The following MOB3A variants were observed in gnomAD, a reference collection of about 807,000 sequenced individuals.
MOB3A encodes MOB LAK.
MOB3A carries 17 observed loss-of-function variants against 17.8 expected under a neutral mutation model. The observed-to-expected ratio is 0.95, with a 90% CI of 0.65 to 1.43. MOB3A has a LOEUF of 1.43. MOB3A is among the 40% of genes most tolerant of loss of function. The pLI is 0.00. For missense variants in MOB3A, 333 were observed against 310.8 expected (o/e 1.07, Z -0.54); for synonymous variants, 124 against 133.2 (o/e 0.93, Z 0.48).
chr19:2,077,158 TG>T (rs35943703), intron 3 of MOB3A, 145 bp from the exon 4 acceptor site: 1 of 681,748 alleles, frequency 1.5e-6, no homozygotes, highest in African/African-American at 1.8e-5. Context: ...CCCAGCACTT[TG>T]GGAGGCCGAG....
chr19:2,086,504 C>T (rs2017555884), intron 1 of MOB3A, among the ~76,000 whole-genome samples: 1 of 151,380 alleles, frequency 6.6e-6, no homozygotes, highest in Non-Finnish European at 1.5e-5. Flanking sequence ...GGATTACAGA[C>T]ACACGCCACC....
intron 4 of MOB3A, among the ~76,000 whole-genome samples, chr19:2,074,018 G>A (rs148574498): frequency 7.1e-4 from 108 of 151,978 alleles, no homozygotes; most frequent in African/African-American, 2.2e-3. Flanking sequence ...GTGACAGAGC[G>A]AGACTCTGTC....
At chr19:2,088,379 C>T (rs575975514) in intron 1 of MOB3A, among the ~76,000 whole-genome samples, 1 of 152,342 alleles carries the variant, frequency 6.6e-6, no homozygotes, top group East Asian at 1.9e-4. Flanking sequence ...TCACAGCCCA[C>T]TCCAGCCTCA....
In MOB3A at chr19:2,072,509, G is replaced by A. The variant is rs530126084; in HGVS notation, c.*886C>T. 1 of 152,274 alleles carries A rather than the reference G, an allele frequency of 6.6e-6. No homozygotes were observed. Among genetic ancestry groups the A allele is most frequent in the Non-Finnish European group, 1.5e-5 (1 of 68,044 alleles). 9.4% of individuals were successfully genotyped at this position (152,274 alleles called of 1,614,324 possible). On this transcript the variant is annotated 3_prime_UTR_variant, in exon 5 of 5. Coordinates refer to ENST00000357066, the MANE Select transcript of MOB3A (RefSeq NM_130807.3). The stretch of plus-strand genomic sequence containing the variant: ...AATCAAACCCTTTATGATACACAAA[G>A]GGGCCCTTAGGAAATGAGTCAGAAG...
chr19:2,073,421 C>T lies in MOB3A; in HGVS notation c.628G>A (p.Glu210Lys). The T allele has an allele frequency of 5.6e-6, 9 of 1,613,872 alleles. No homozygotes were observed. The highest frequency in any genetic ancestry group is 6.8e-6 in the Non-Finnish European group (8 of 1,180,016). The change falls in exon 5 of 5, where the codon GAA (glutamate) becomes AAA (lysine). Residue 210 changes from glutamate (E) to lysine (K), a missense_variant. Coordinates refer to ENST00000357066, the MANE Select transcript of MOB3A (RefSeq NM_130807.3). ...IDTKELEPLK[E>K]MTARMCH ...CAGTGGCACATCCGGGCGGTCATTT[C>T]TTTCTGTAAAGAGCAAGCAAGACAT...
chr19:2,087,182 A>T (rs1196632752), intron 1 of MOB3A, among the ~76,000 whole-genome samples: 1 of 152,214 alleles, frequency 6.6e-6, no homozygotes, highest in Non-Finnish European at 1.5e-5. Context: ...GGCTTAGCAT[A>T]CTGTCCTAAT....
chr19:2,092,111 G>A (rs977635982), intron 1 of MOB3A, among the ~76,000 whole-genome samples: 1 of 108,996 alleles, frequency 9.2e-6, no homozygotes, highest in East Asian at 2.6e-4. Context: ...TTAGCTGCCT[G>A]TTTGTTTGAG....
chr19:2,075,510 C>T (rs770416251), intron 4 of MOB3A, among the ~76,000 whole-genome samples: 2 of 152,106 alleles, frequency 1.3e-5, no homozygotes, highest in African/African-American at 2.4e-5. Context: ...GCTGTGGTCC[C>T]AGCTACTCGG....
At chr19:2,079,321 C>T (rs1435237215) in intron 2 of MOB3A, among the ~76,000 whole-genome samples, 1 of 152,240 alleles carries the variant, frequency 6.6e-6, no homozygotes, top group Non-Finnish European at 1.5e-5. Context: ...ACTGCATGGC[C>T]GGACTACGGC....
chr19:2,089,789 C>G (rs1277946201), intron 1 of MOB3A, among the ~76,000 whole-genome samples: 1 of 151,760 alleles, frequency 6.6e-6, no homozygotes, highest in African/African-American at 2.4e-5. Context: ...TCCCAAATAA[C>G]TAATGCAGTC....
chr19:2,074,967 T>C (rs2017385447), intron 4 of MOB3A, among the ~76,000 whole-genome samples: 1 of 151,924 alleles, frequency 6.6e-6, no homozygotes, highest in African/African-American at 2.4e-5. Flanking sequence ...GCTGCCCGTC[T>C]TGGCATTCCA....
At chr19:2,081,886 AAACACAACAC>A (rs1311664682) in intron 2 of MOB3A, among the ~76,000 whole-genome samples, 1 of 152,188 alleles carries the variant, frequency 6.6e-6, no homozygotes, top group Non-Finnish European at 1.5e-5. Flanking sequence ...TCTGTCTCAA[AAACACAACAC>A]AACACAACAC....
rs370082523 is a variant in MOB3A, at chr19:2,078,793, C to G, written c.-119-114G>C. The G allele has an allele frequency of 1.0e-4, 52 of 498,472 alleles. 2 individuals carry two copies. The highest frequency in any genetic ancestry group is 7.8e-4 in the African/African-American group (40 of 51,322). The allele number at this position is 498,472 out of a possible 1,614,324, so 30.9% of individuals were successfully genotyped here. A position where few individuals can be genotyped will look rare whatever the true frequency, so the allele number is the denominator to read the frequency against. On this transcript the variant is annotated intron_variant, in intron 2 of 4. Coordinates refer to ENST00000357066, the MANE Select transcript of MOB3A (RefSeq NM_130807.3). ...TTGTTTTTTGAGACAGGGTCTTACTCTGTTGCCCCGGCTGGAGTACAGTGG... is the reference window on the plus strand; with the variant it reads ...TTGTTTTTTGAGACAGGGTCTTACTGTGTTGCCCCGGCTGGAGTACAGTGG...
intron 2 of MOB3A, among the ~76,000 whole-genome samples, chr19:2,083,326 C>G (rs937282183): frequency 6.6e-6 from 1 of 152,200 alleles, no homozygotes; most frequent in Non-Finnish European, 1.5e-5. Flanking sequence ...ACCTGAGGCC[C>G]TTCGCCAGTG....
intron 4 of MOB3A, among the ~76,000 whole-genome samples, chr19:2,076,465 G>A (rs1267633980): frequency 6.6e-6 from 1 of 152,138 alleles, no homozygotes; most frequent in East Asian, 1.9e-4. Flanking sequence ...AAAAAAAGTC[G>A]GGGTGGAGTC....
intron 2 of MOB3A, among the ~76,000 whole-genome samples, chr19:2,083,735 A>G (rs895382301): frequency 3.9e-5 from 6 of 152,210 alleles, no homozygotes; most frequent in African/African-American, 1.4e-4. Flanking sequence ...AACCTGCCAC[A>G]GCCTGGTGCT....
At chr19:2,088,743 C>T (rs921687471) in intron 1 of MOB3A, among the ~76,000 whole-genome samples, 3 of 152,076 alleles carry the variant, frequency 2.0e-5, no homozygotes, top group African/African-American at 7.2e-5. Context: ...GCTGGGATTA[C>T]AGGCATGAGC....
At chr19:2,077,165 C>A (rs889006865) in intron 3 of MOB3A, 152 bp from the exon 4 acceptor site, 4 of 655,242 alleles carry the variant, frequency 6.1e-6, no homozygotes, top group African/African-American at 3.6e-5. Context: ...CTTTGGGAGG[C>A]CGAGGCAGGC....
intron 2 of MOB3A, among the ~76,000 whole-genome samples, chr19:2,080,797 A>G (rs1041067762): frequency 1.3e-5 from 2 of 152,086 alleles, no homozygotes; most frequent in African/African-American, 2.4e-5. Flanking sequence ...AACAACACCA[A>G]TCTAGCACGG....
Sources: gnomAD v4.1 joint callset for allele counts (sites outside exome capture counted in the v4.1 genomes callset) on GRCh38, gnomAD v4.1.1 for gene constraint, MANE v1.5 for transcripts, NCBI Gene and HGNC (gene_info 2026-07-23, HGNC 2026-07-21) for gene names.